FAM91A1: variants seen among roughly 807,000 people sequenced by gnomAD.
FAM91A1 encodes protein FAM91A1.
Under a neutral mutation model 113.5 loss-of-function variants are expected in FAM91A1, and 41 were observed. The observed-to-expected ratio is 0.36, with a 90% CI of 0.28 to 0.47. FAM91A1 has a LOEUF of 0.47. FAM91A1 is among the 20% of genes least tolerant of loss of function. FAM91A1 has a pLI of 1.00. For synonymous variants in FAM91A1, 307 were observed against 347.9 expected (o/e 0.88, Z 1.31); for missense variants, 696 against 1,001.2 (o/e 0.70, Z 4.11).
At chr8:123,791,355 C>G (rs1815378524) in intron 15 of FAM91A1, among the ~76,000 whole-genome samples, 1 of 151,694 alleles carries the variant, frequency 6.6e-6, no homozygotes, top group East Asian at 1.9e-4. Flanking sequence ...GCTTTGTATT[C>G]ATTTACCCAT....
intron 1 of FAM91A1, among the ~76,000 whole-genome samples, chr8:123,773,084 A>G (rs1814893628): frequency 6.6e-6 from 1 of 152,210 alleles, no homozygotes; most frequent in African/African-American, 2.4e-5. Context: ...CCAACCGCAC[A>G]TAATTGTACA....
At position 123,785,634 on chromosome 8, in the gene FAM91A1, T is replaced by C. The variant is rs574127883; in HGVS notation, c.855T>C (p.Ala285=). The change falls in exon 11 of 24, where the codon GCT becomes GCC. Residue 285 remains alanine (A), a synonymous_variant. Coordinates refer to ENST00000334705, the MANE Select transcript of FAM91A1 (RefSeq NM_144963.4). ...LEIDLSLVKN[A]VSMYCRLGFA... ...TTCCTTTATATTCCTTTCAGAATGC[T>C]GTTTCAATGTATTGCCGATTGGGCT... 18 of 1,595,588 alleles carry C rather than the reference T, an allele frequency of 1.1e-5. No homozygotes were observed. The African/African-American group carries it at 2.2e-4, about 19-fold the overall frequency.
chr8:123,779,937 T>C, intron 6 of FAM91A1, 48 bp from the exon 7 acceptor site: 1 of 1,495,688 alleles, frequency 6.7e-7, no homozygotes, highest in Non-Finnish European at 9.3e-7. Context: ...GACTTGTGAA[T>C]TAGTTAATTT....
chr8:123,781,301 A>G (rs920331424), intron 8 of FAM91A1, among the ~76,000 whole-genome samples: 2 of 152,158 alleles, frequency 1.3e-5, no homozygotes, highest in African/African-American at 4.8e-5. Context: ...AAAAAATTTC[A>G]GAGAATGACC....
chr8:123,794,717 C>A (rs1478475751), intron 15 of FAM91A1, among the ~76,000 whole-genome samples: 2 of 152,170 alleles, frequency 1.3e-5, no homozygotes, highest in African/African-American at 4.8e-5. Context: ...TAGTGCAGTA[C>A]CATAAACCTC....
intron 15 of FAM91A1, among the ~76,000 whole-genome samples, chr8:123,797,873 A>C (rs1438823251): frequency 6.6e-6 from 1 of 152,086 alleles, no homozygotes; most frequent in Admixed American, 6.5e-5. Flanking sequence ...AACCTGAAGT[A>C]GATGATTATC....
chr8:123,786,214 TAA>T, intron 11 of FAM91A1: 1 of 357,294 alleles, frequency 2.8e-6, no homozygotes, highest in Non-Finnish European at 5.1e-6. Flanking sequence ...TTTTGGAATA[TAA>T]TGAAAACTAA....
chr8:123,788,936 T>C (rs1815319884), intron 14 of FAM91A1, among the ~76,000 whole-genome samples: 1 of 152,230 alleles, frequency 6.6e-6, no homozygotes, highest in South Asian at 2.1e-4. Context: ...AAATCTGATT[T>C]AGTTATTTTC....
intron 12 of FAM91A1, 57 bp from the exon 13 acceptor site, chr8:123,787,204 A>C (rs1437289433): frequency 7.5e-7 from 1 of 1,328,738 alleles, no homozygotes; most frequent in African/African-American, 1.4e-5. Context: ...TTTCACTCCA[A>C]ATGGTAAGCA....
Position 123,806,123 on chromosome 8 carries a change from A to C in FAM91A1, c.1926A>C (p.Ile642=). The change falls in exon 20 of 24, where the codon ATA becomes ATC. Residue 642 remains isoleucine (I), a synonymous_variant. Transcript: ENST00000334705. ...VNMGVHKALQ[I]LRNRVDLQHL... is the part of the protein sequence containing the mutation. Reference sequence around the variant, plus strand: ...TGGGTGTTCATAAAGCATTGCAGATACTAAGGAACAGAGTGGACTTACAGC... The same window carrying C: ...TGGGTGTTCATAAAGCATTGCAGATCCTAAGGAACAGAGTGGACTTACAGC... 3 of 1,611,766 alleles carry C rather than the reference A, an allele frequency of 1.9e-6. No individual in the cohort carries two copies. Among genetic ancestry groups the C allele is most frequent in the Non-Finnish European group, 2.5e-6 (3 of 1,178,754 alleles).
In FAM91A1 at chr8:123,782,266, A is replaced by G. The variant is rs141963242; in HGVS notation, c.703+1724A>G. 7.0e-4 allele frequency among the ~76,000 whole-genome samples: 107 copies of G among 152,348 alleles called. 2 individuals carry two copies. The highest frequency in any genetic ancestry group is 1.3e-3 in the Non-Finnish European group (88 of 68,030). ...ACAGACCCATGGGATGATAATTGCTAAACTTACCCTTGTCACCATGTTACC... is the reference window on the plus strand; with the variant it reads ...ACAGACCCATGGGATGATAATTGCTGAACTTACCCTTGTCACCATGTTACC... On this transcript the variant is annotated intron_variant, in intron 8 of 23. Coordinates refer to ENST00000334705, the MANE Select transcript of FAM91A1 (RefSeq NM_144963.4).
chr8:123,792,107 T>C (rs1461280366), intron 15 of FAM91A1, among the ~76,000 whole-genome samples: 3 of 152,042 alleles, frequency 2.0e-5, no homozygotes, highest in Non-Finnish European at 2.9e-5. Context: ...CCTGGGAGGC[T>C]GAGGTTGCAG....
intron 6 of FAM91A1, 53 bp downstream of exon 6, chr8:123,778,825 C>A (rs1371371747): frequency 8.4e-7 from 1 of 1,192,520 alleles, no homozygotes; most frequent in East Asian, 3.0e-5. Context: ...GTTTATTTTA[C>A]AATTTTTAAT....
At chr8:123,771,282 G>A (rs1393189960) in intron 1 of FAM91A1, among the ~76,000 whole-genome samples, 1 of 152,050 alleles carries the variant, frequency 6.6e-6, no homozygotes, top group African/African-American at 2.4e-5. Flanking sequence ...TCACATACTT[G>A]GCTTTTAGTA....
At position 123,775,834 on chromosome 8, in the gene FAM91A1, G is replaced by A. The variant is rs187028317; in HGVS notation, c.309+536G>A. Among the ~76,000 whole-genome samples the A allele has an allele frequency of 2.6e-5, 4 of 152,208 alleles. No individual in the cohort carries two copies. The East Asian group carries it at 7.8e-4, about 30-fold the overall frequency. On this transcript the variant is annotated intron_variant, in intron 3 of 23. Transcript: ENST00000334705. ...ACAAAAATTAGCCAGCCGTGGTGGT[G>A]TGCACCTGTAATCCTAGCTACTCAG...
intron 15 of FAM91A1, among the ~76,000 whole-genome samples, chr8:123,790,228 G>A (rs1815351382): frequency 6.6e-6 from 1 of 152,338 alleles, no homozygotes; most frequent in East Asian, 1.9e-4. Flanking sequence ...AAAAGAAGTA[G>A]CAGCAATTTT....
At position 123,803,113 on chromosome 8, in the gene FAM91A1, G is replaced by A. The variant is rs574590919; in HGVS notation, c.1810-2154G>A. On this transcript the variant is annotated intron_variant, in intron 18 of 23. Coordinates refer to ENST00000334705, the MANE Select transcript of FAM91A1 (RefSeq NM_144963.4). ...GAGCCCAGAAGTTGGAGACCAACTT[G>A]GATAACATAGTGAAACCCTGTCTTA... 2.0e-5 allele frequency among the ~76,000 whole-genome samples: 3 copies of A among 152,228 alleles called. No individual in the cohort carries two copies. The South Asian group carries it at 6.2e-4, about 32-fold the overall frequency.
At chr8:123,787,809 C>T in intron 14 of FAM91A1, 59 bp downstream of exon 14, 7 of 1,351,754 alleles carry the variant, frequency 5.2e-6, no homozygotes, top group Non-Finnish European at 7.2e-6. Flanking sequence ...CCTTGCTTGA[C>T]AGAATGCCAA....
Position 123,787,446 on chromosome 8 carries a change from A to C in FAM91A1, c.1191+73A>C, listed in dbSNP as rs1029142797. ...AGATATAAAATAATTTAATGCTTTTATATCTTTTTTAAAGTACTACATTTA... is the reference window on the plus strand; with the variant it reads ...AGATATAAAATAATTTAATGCTTTTCTATCTTTTTTAAAGTACTACATTTA... On this transcript the variant is annotated intron_variant, in intron 13 of 23. Coordinates refer to ENST00000334705, the MANE Select transcript of FAM91A1 (RefSeq NM_144963.4). 4 of 1,230,414 alleles carry C rather than the reference A, an allele frequency of 3.3e-6. No homozygotes were observed. The African/African-American group carries it at 4.6e-5, about 14-fold the overall frequency. The allele number at this position is 1,230,414 out of a possible 1,614,324, so 76.2% of individuals were successfully genotyped here.
Sources: gnomAD v4.1 joint callset for allele counts (sites outside exome capture counted in the v4.1 genomes callset) on GRCh38, gnomAD v4.1.1 for gene constraint, MANE v1.5 for transcripts, NCBI Gene and HGNC (gene_info 2026-07-23, HGNC 2026-07-21) for gene names.